Variants in PCDH9 observed in about 807,000 individuals in gnomAD.
The protein encoded by PCDH9 is protocadherin-9.
Under a neutral mutation model 70.6 loss-of-function variants are expected in PCDH9, and 24 were observed. The ratio of observed to expected loss-of-function variants is 0.34; its 90% CI spans 0.25 to 0.48. The LOEUF (loss-of-function observed/expected upper bound fraction) is 0.48, where lower values mean the gene tolerates loss of function less well. Ranked by LOEUF, PCDH9 falls within the 20% of genes least tolerant of loss-of-function variation. The pLI, the probability that PCDH9 is intolerant of heterozygous loss-of-function variation, is 0.99. For synonymous variants in PCDH9, 562 were observed against 558.5 expected (o/e 1.01, Z -0.09); for missense variants, 1,281 against 1,503.6 (o/e 0.85, Z 2.45).
chr13:66,318,311 T>C (rs1955691045), intron 4 of PCDH9, among the ~76,000 whole-genome samples: 1 of 152,198 alleles, frequency 6.6e-6, no homozygotes, highest in South Asian at 2.1e-4. Context: ...CATCAACTGC[T>C]ATTTTTTGAC....
chr13:66,927,845 TG>T (rs1158922603), intron 2 of PCDH9, among the ~76,000 whole-genome samples: 1 of 152,122 alleles, frequency 6.6e-6, no homozygotes, highest in African/African-American at 2.4e-5. Flanking sequence ...CTGAGGTACT[TG>T]GGGTCAAAAC....
At chr13:66,963,305 TA>T (rs1248409451) in intron 2 of PCDH9, among the ~76,000 whole-genome samples, 1 of 152,168 alleles carries the variant, frequency 6.6e-6, no homozygotes, top group Admixed American at 6.5e-5. Flanking sequence ...TGAAAAATTA[TA>T]GGAAAAGGCA....
chr13:66,637,303 CAT>C (rs1164190568), intron 3 of PCDH9, among the ~76,000 whole-genome samples: 1 of 152,176 alleles, frequency 6.6e-6, no homozygotes, highest in African/African-American at 2.4e-5. Context: ...TTAATACACA[CAT>C]GTACTTCATT....
intron 3 of PCDH9, among the ~76,000 whole-genome samples, chr13:66,688,273 C>A (rs577326634): frequency 6.6e-6 from 1 of 152,200 alleles, no homozygotes; most frequent in Non-Finnish European, 1.5e-5. Flanking sequence ...TTTGATCCTC[C>A]TCATTGATGT....
chr13:66,327,218 C>A (rs972069496), intron 4 of PCDH9, among the ~76,000 whole-genome samples: 1 of 152,108 alleles, frequency 6.6e-6, no homozygotes, highest in African/African-American at 2.4e-5. Flanking sequence ...GTTGCCAGAT[C>A]GACACATGTT....
chr13:66,992,791 T>C (rs77330206), intron 2 of PCDH9, among the ~76,000 whole-genome samples: 1 of 152,172 alleles, frequency 6.6e-6, no homozygotes, highest in African/African-American at 2.4e-5. Context: ...AATTTCCTCA[T>C]TAAGGATCTT....
At chr13:66,558,207 A>G (rs571820881) in intron 4 of PCDH9, among the ~76,000 whole-genome samples, 1 of 152,190 alleles carries the variant, frequency 6.6e-6, no homozygotes, top group South Asian at 2.1e-4. Context: ...TTTCACATTC[A>G]TTACTAAATT....
chr13:66,893,221 C>T (rs991789359), intron 3 of PCDH9, among the ~76,000 whole-genome samples: 9 of 152,044 alleles, frequency 5.9e-5, no homozygotes, highest in Admixed American at 3.3e-4. Flanking sequence ...TCATTTAGTC[C>T]GGACAAATAA....
intron 2 of PCDH9, among the ~76,000 whole-genome samples, chr13:67,102,955 C>T (rs190280018): frequency 1.3e-5 from 2 of 152,068 alleles, no homozygotes; most frequent in East Asian, 1.9e-4. Flanking sequence ...ACTTTCTATA[C>T]AGTAGGTCAA....
At chr13:66,427,085 A>G (rs1010994483) in intron 4 of PCDH9, among the ~76,000 whole-genome samples, 82 of 151,626 alleles carry the variant, frequency 5.4e-4, no homozygotes, top group Non-Finnish European at 1.0e-3. Context: ...TTTTGAAAAG[A>G]CTAATAAAAT....
intron 2 of PCDH9, among the ~76,000 whole-genome samples, chr13:67,158,283 C>T (rs2087865699): frequency 6.6e-6 from 1 of 152,168 alleles, no homozygotes; most frequent in African/African-American, 2.4e-5. Flanking sequence ...TTTCATATAT[C>T]CATTGCTTGA....
chr13:67,158,218 T>C (rs1372562897), intron 2 of PCDH9, among the ~76,000 whole-genome samples: 1 of 152,176 alleles, frequency 6.6e-6, no homozygotes, highest in Non-Finnish European at 1.5e-5. Flanking sequence ...AGTAAACATA[T>C]GCATCCTCAT....
At chr13:66,567,305 A>G (rs780640457) in intron 4 of PCDH9, among the ~76,000 whole-genome samples, 1 of 152,168 alleles carries the variant, frequency 6.6e-6, no homozygotes, top group Non-Finnish European at 1.5e-5. Flanking sequence ...GTACCAGACT[A>G]CATTTGAATA....
At chr13:66,481,316 A>AG (rs1491315224) in intron 4 of PCDH9, among the ~76,000 whole-genome samples, 1 of 151,228 alleles carries the variant, frequency 6.6e-6, no homozygotes, top group Non-Finnish European at 1.5e-5. Flanking sequence ...AAAAAAAAAA[A>AG]GAAACTGCCA....
intron 3 of PCDH9, among the ~76,000 whole-genome samples, chr13:66,766,756 T>C (rs896212836): frequency 6.6e-6 from 1 of 152,012 alleles, no homozygotes; most frequent in Non-Finnish European, 1.5e-5. Flanking sequence ...TTGGGATGAA[T>C]CAGTCATTAG....
At chr13:66,776,199 T>C (rs1172970911) in intron 3 of PCDH9, among the ~76,000 whole-genome samples, 3 of 151,542 alleles carry the variant, frequency 2.0e-5, no homozygotes, top group Non-Finnish European at 4.4e-5. Context: ...ACTGGAAGCA[T>C]TGCCTTTGAA....
intron 2 of PCDH9, among the ~76,000 whole-genome samples, chr13:67,038,277 T>C (rs1281381926): frequency 6.6e-6 from 1 of 152,158 alleles, no homozygotes; most frequent in Non-Finnish European, 1.5e-5. Context: ...TAAGAAATCA[T>C]TTTGGAACTT....
intron 3 of PCDH9, among the ~76,000 whole-genome samples, chr13:66,722,802 T>C (rs925943155): frequency 6.6e-6 from 1 of 151,910 alleles, no homozygotes; most frequent in South Asian, 2.1e-4. Flanking sequence ...ACCCCATCTC[T>C]ACTAAAAATA....
chr13:66,830,171 T>C (rs2080900790), intron 3 of PCDH9, among the ~76,000 whole-genome samples: 1 of 152,088 alleles, frequency 6.6e-6, no homozygotes, highest in Admixed American at 6.5e-5. Flanking sequence ...GTAATAGAAG[T>C]AGGAATGTAT....
Sources: allele counts gnomAD v4.1 joint callset (sites outside exome capture counted in the v4.1 genomes callset), GRCh38; gene constraint gnomAD v4.1.1; transcripts MANE v1.5; gene names NCBI Gene and HGNC (gene_info 2026-07-23, HGNC 2026-07-21).